Variants in PTK2B observed in about 807,000 individuals in gnomAD.
The protein encoded by PTK2B is protein-tyrosine kinase 2-beta.
A neutral mutation model predicts 142.9 loss-of-function variants in PTK2B; 71 were observed. The observed-to-expected ratio is 0.50, with a 90% confidence interval of 0.41 to 0.61. The LOEUF (loss-of-function observed/expected upper bound fraction) is 0.61, where lower values mean the gene tolerates loss of function less well. Ranked by LOEUF, PTK2B falls within the 20% of genes least tolerant of loss-of-function variation. The probability of loss-of-function intolerance (pLI) is 0.00; values close to 1 mark genes in which losing one functional copy is unlikely to be tolerated. For synonymous variants in PTK2B, 519 were observed against 503.4 expected (o/e 1.03, Z -0.42); for missense variants, 1,105 against 1,320.4 (o/e 0.84, Z 2.53).
At chr8:27,343,990 G>A (rs1363123036) in intron 1 of PTK2B, among the ~76,000 whole-genome samples, 4 of 151,976 alleles carry the variant, frequency 2.6e-5, no homozygotes, top group East Asian at 1.9e-4. Context: ...ATGACAGAGC[G>A]AGAATCCGTC....
intron 1 of PTK2B, among the ~76,000 whole-genome samples, chr8:27,388,005 G>T (rs556756830): frequency 2.6e-5 from 4 of 152,088 alleles, no homozygotes; most frequent in Non-Finnish European, 5.9e-5. Context: ...ATAACCACAA[G>T]CTCCTTCATA....
At chr8:27,406,412 T>C (rs189866918) in intron 2 of PTK2B, among the ~76,000 whole-genome samples, 93 of 152,334 alleles carry the variant, frequency 6.1e-4, no homozygotes, top group Middle Eastern at 6.8e-3. Flanking sequence ...TATCTGTCAC[T>C]GGTACCTCCA....
intron 1 of PTK2B, among the ~76,000 whole-genome samples, chr8:27,381,459 T>TTA (rs1747356209): frequency 6.6e-6 from 1 of 152,248 alleles, no homozygotes. Context: ...GCCTGACTTA[T>TTA]TTCACTTAAC....
rs556336188 is a variant in PTK2B, at chr8:27,397,078, C to T, written c.-37-470C>T. On this transcript the variant is annotated intron_variant, in intron 1 of 30. Transcript: ENST00000346049. ...CCTGCCTTCTCCATTCCCATTCCCT[C>T]GGGGCCACTTCTTCTCCAATCTGTT... Among the ~76,000 whole-genome samples, 27 of 152,340 alleles carry T rather than the reference C, an allele frequency of 1.8e-4. No homozygotes were observed. In the East Asian group the frequency reaches 4.4e-3, roughly 25 times the overall value.
Position 27,359,275 on chromosome 8 carries a change from T to A in PTK2B, c.-38+33594T>A, listed in dbSNP as rs180742796. On this transcript the variant is annotated intron_variant, in intron 1 of 30. Transcript: ENST00000346049. ...GACTACAGGCATGCACCACAATGCC[T>A]GGTTAATTTTTTGTATTTTTAGTAG... Among the ~76,000 whole-genome samples the A allele has an allele frequency of 1.2e-3, 183 of 152,230 alleles. 3 individuals carry two copies. The Middle Eastern group carries it at 0.02, about 17-fold the overall frequency.
chr8:27,443,681 C>G (rs74584497), intron 22 of PTK2B, among the ~76,000 whole-genome samples: 1,868 of 152,096 alleles, frequency 0.012, 42 homozygotes, highest in African/African-American at 0.043. Flanking sequence ...TTCCTTAATG[C>G]TATCACATTG....
intron 30 of PTK2B, among the ~76,000 whole-genome samples, chr8:27,455,631 G>T (rs369470701): frequency 3.3e-5 from 5 of 152,230 alleles, no homozygotes; most frequent in Non-Finnish European, 5.9e-5. Context: ...GAAGGAGGCC[G>T]CAGGCCAAGG....
rs570346145 is a variant in PTK2B, at chr8:27,410,640, A to G, written c.205-9255A>G. On this transcript the variant is annotated intron_variant, in intron 2 of 30. Transcript: ENST00000346049. ...GTGAGCCTGAGAAAATAGTGAGACAATAGAGATCACTGAAGAAAGTTATAA... is the reference window on the plus strand; with the variant it reads ...GTGAGCCTGAGAAAATAGTGAGACAGTAGAGATCACTGAAGAAAGTTATAA... 3.9e-5 allele frequency among the ~76,000 whole-genome samples: 6 copies of G among 152,366 alleles called. No homozygotes were observed. In the South Asian group the frequency reaches 1.2e-3, roughly 32 times the overall value.
At chr8:27,440,462 G>A (rs138674747) in intron 21 of PTK2B, 21 bp downstream of exon 21, 1 of 1,611,188 alleles carries the variant, frequency 6.2e-7, no homozygotes, top group East Asian at 2.2e-5. Flanking sequence ...AGTGTGGGCT[G>A]TGGGCTGGGG....
In PTK2B at chr8:27,433,480, G is replaced by T; in HGVS notation, c.1033G>T (p.Ala345Ser). Reference sequence around the variant, plus strand: ...ATCCCTAGCAGAGGCTGAGAACATGGCTGACCTCATAGACGGCTACTGCCG... The same window carrying T: ...ATCCCTAGCAGAGGCTGAGAACATGTCTGACCTCATAGACGGCTACTGCCG... The part of the protein sequence containing the change: ...TSSLAEAENM[A>S]DLIDGYCRLQ... The change falls in exon 11 of 31, where the codon GCT becomes TCT. Residue 345 changes from alanine to serine, a missense_variant. Coordinates refer to ENST00000346049, the MANE Select transcript of PTK2B (RefSeq NM_173176.3). 1 of 1,614,214 alleles carries T rather than the reference G, an allele frequency of 6.2e-7. No individual in the cohort carries two copies. Among genetic ancestry groups the T allele is most frequent in the Non-Finnish European group, 8.5e-7 (1 of 1,180,020 alleles).
chr8:27,342,488 C>T (rs760218234), intron 1 of PTK2B, among the ~76,000 whole-genome samples: 8 of 152,136 alleles, frequency 5.3e-5, no homozygotes, highest in South Asian at 4.2e-4. Flanking sequence ...GTTGAAACAA[C>T]GACTATGTTT....
chr8:27,420,223 C>G, intron 3 of PTK2B, 150 bp downstream of exon 3: 1 of 945,806 alleles, frequency 1.1e-6, no homozygotes, highest in South Asian at 1.7e-5. Context: ...CTCCAGTATC[C>G]AATGCATGTA....
intron 2 of PTK2B, among the ~76,000 whole-genome samples, chr8:27,409,800 C>T (rs527415634): frequency 6.6e-6 from 1 of 152,326 alleles, no homozygotes; most frequent in East Asian, 1.9e-4. Flanking sequence ...CAGCTCACTG[C>T]AACCTCTGCC....
Position 27,397,541 on chromosome 8 carries a change from T to A in PTK2B, c.-37-7T>A. ...CTTTCAGGGCTGACCCTCTGCTGTC[T>A]CTGCAGGACTGCAATGTGCCGATCT... On this transcript the variant is annotated splice_polypyrimidine_tract_variant and splice_region_variant and intron_variant, in intron 1 of 30. Transcript: ENST00000346049. The A allele has an allele frequency of 6.2e-7, 1 of 1,600,492 alleles. No individual in the cohort carries two copies. Among genetic ancestry groups the A allele is most frequent in the Non-Finnish European group, 8.6e-7 (1 of 1,169,262 alleles).
chr8:27,353,678 G>A (rs1196627858), intron 1 of PTK2B, among the ~76,000 whole-genome samples: 1 of 152,204 alleles, frequency 6.6e-6, no homozygotes, highest in Admixed American at 6.5e-5. Flanking sequence ...GTTCCCAGGG[G>A]AGGCTGTTCA....
At chr8:27,444,410 C>T in intron 23 of PTK2B, 139 bp downstream of exon 23, 1 of 895,374 alleles carries the variant, frequency 1.1e-6, no homozygotes, top group Non-Finnish European at 1.8e-6. Context: ...CTTTGGCACC[C>T]AGAACAGAAT....
At chr8:27,418,615 A>G (rs1809548911) in intron 2 of PTK2B, among the ~76,000 whole-genome samples, 1 of 152,232 alleles carries the variant, frequency 6.6e-6, no homozygotes, top group Non-Finnish European at 1.5e-5. Flanking sequence ...GACATATCCA[A>G]CAGAGATACG....
intron 1 of PTK2B, among the ~76,000 whole-genome samples, chr8:27,384,960 G>GTCTGTAC (rs1445091231): frequency 2.6e-5 from 4 of 152,146 alleles, no homozygotes; most frequent in African/African-American, 9.7e-5. Flanking sequence ...TCTTAGGTAG[G>GTCTGTAC]TCTGTACTCT....
chr8:27,456,513 C>T (rs1586372442), intron 30 of PTK2B, among the ~76,000 whole-genome samples: 1 of 152,184 alleles, frequency 6.6e-6, no homozygotes, highest in Non-Finnish European at 1.5e-5. Context: ...ATGCATTTCC[C>T]TATCCTCTCC....
Sources: allele counts gnomAD v4.1 joint callset (sites outside exome capture counted in the v4.1 genomes callset), GRCh38; gene constraint gnomAD v4.1.1; transcripts MANE v1.5; gene names NCBI Gene and HGNC (gene_info 2026-07-23, HGNC 2026-07-21).